EEPD1: variants seen among roughly 807,000 people sequenced by gnomAD.
EEPD1 encodes the protein endonuclease/exonuclease/phosphatase family domain containing 1.
A neutral mutation model predicts 46.3 loss-of-function variants in EEPD1; 17 were observed. The ratio of observed to expected loss-of-function variants is 0.37; its 90% confidence interval spans 0.25 to 0.55. The LOEUF is 0.55. Ranked by LOEUF, EEPD1 falls within the 20% of genes least tolerant of loss-of-function variation. EEPD1 has a pLI of 0.83. For missense variants in EEPD1, 673 were observed against 745.6 expected (o/e 0.90, Z 1.13); for synonymous variants, 313 against 315.6 (o/e 0.99, Z 0.09).
chr7:36,156,328 A>G (rs1013472768), intron 2 of EEPD1, among the ~76,000 whole-genome samples: 1 of 152,142 alleles, frequency 6.6e-6, no homozygotes, highest in Non-Finnish European at 1.5e-5. Context: ...CATCACTGAG[A>G]GAGGGACTCC....
At chr7:36,159,606 C>T (rs1784872313) in intron 2 of EEPD1, among the ~76,000 whole-genome samples, 2 of 152,224 alleles carry the variant, frequency 1.3e-5, no homozygotes, top group South Asian at 4.1e-4. Context: ...AAACTCCATG[C>T]CCTTCTGCTG....
chr7:36,165,419 T>C (rs1784966657), intron 2 of EEPD1, among the ~76,000 whole-genome samples: 1 of 111,712 alleles, frequency 9.0e-6, no homozygotes, highest in Non-Finnish European at 1.9e-5. Flanking sequence ...TCCTTTTTTT[T>C]TTTTTTTTTT....
chr7:36,272,503 G>GTT (rs768898390), intron 3 of EEPD1, among the ~76,000 whole-genome samples: 70 of 122,666 alleles, frequency 5.7e-4, no homozygotes, highest in African/African-American at 2.0e-3. Context: ...GTTTTTTGTT[G>GTT]TTGTTTTTTT....
intron 5 of EEPD1, among the ~76,000 whole-genome samples, chr7:36,286,282 G>A (rs12539230): frequency 0.063 from 9,653 of 152,194 alleles, 480 homozygotes; most frequent in East Asian, 0.16. Context: ...ACAGAGATGG[G>A]GCTCATCTCC....
intron 2 of EEPD1, among the ~76,000 whole-genome samples, chr7:36,219,798 A>AGTGTGTGTGTGTGTGT (rs1443373734): frequency 2.6e-5 from 2 of 76,964 alleles, no homozygotes; most frequent in African/African-American, 7.7e-5. Flanking sequence ...AGAGAGAGAG[A>AGTGTGTGTGTGTGTGT]GAGAGAGAGT....
At chr7:36,290,875 C>T (rs1242044061) in intron 6 of EEPD1, among the ~76,000 whole-genome samples, 2 of 152,208 alleles carry the variant, frequency 1.3e-5, no homozygotes, top group Non-Finnish European at 2.9e-5. Flanking sequence ...GAGCCCAGCC[C>T]AGGTGGGTGG....
intron 2 of EEPD1, among the ~76,000 whole-genome samples, chr7:36,221,093 G>A (rs1786138304): frequency 1.3e-5 from 2 of 152,240 alleles, no homozygotes; most frequent in Admixed American, 6.5e-5. Context: ...ACAGGCGTGA[G>A]CCACTGCGTC....
chr7:36,208,931 C>T (rs1785872953), intron 2 of EEPD1, among the ~76,000 whole-genome samples: 1 of 152,182 alleles, frequency 6.6e-6, no homozygotes, highest in Non-Finnish European at 1.5e-5. Context: ...GTTTAACAAG[C>T]TCCTGGGTGA....
intron 2 of EEPD1, among the ~76,000 whole-genome samples, chr7:36,233,330 A>G (rs1786371314): frequency 6.6e-6 from 1 of 152,242 alleles, no homozygotes; most frequent in Non-Finnish European, 1.5e-5. Context: ...CCACCCAGTC[A>G]TCTTGTTTGA....
In EEPD1 at chr7:36,180,229, C is replaced by T. The variant is rs892787350; in HGVS notation, c.878+25027C>T. Among the ~76,000 whole-genome samples, 18 of 152,334 alleles carry T rather than the reference C, an allele frequency of 1.2e-4. 1 individual carries two copies. The highest frequency in any genetic ancestry group is 6.5e-4 in the Admixed American group (10 of 15,298). On this transcript the variant is annotated intron_variant, in intron 2 of 7. Coordinates refer to ENST00000242108, the MANE Select transcript of EEPD1 (RefSeq NM_030636.3). ...AAGCGATGCGGGGGAAAGGTAACACCTCCTGTGCGTGGGCATGAAAGTCAC... is the reference window on the plus strand; with the variant it reads ...AAGCGATGCGGGGGAAAGGTAACACTTCCTGTGCGTGGGCATGAAAGTCAC...
At chr7:36,194,184 G>T (rs1785534584) in intron 2 of EEPD1, among the ~76,000 whole-genome samples, 1 of 152,182 alleles carries the variant, frequency 6.6e-6, no homozygotes, top group Non-Finnish European at 1.5e-5. Flanking sequence ...TATGCTGCTT[G>T]CAGTGAATGT....
In EEPD1 at chr7:36,259,051, C is replaced by T. The variant is rs548974904; in HGVS notation, c.930+20015C>T. Among the ~76,000 whole-genome samples, 167 of 152,244 alleles carry T rather than the reference C, an allele frequency of 1.1e-3. 1 individual carries two copies. Among genetic ancestry groups the T allele is most frequent in the Non-Finnish European group, 2.0e-3 (139 of 68,028 alleles). ...GCATAGTATCTGGGCTGAAGTGCAG[C>T]GTTCCTTACATCACAGTCCCTCATG... On this transcript the variant is annotated intron_variant, in intron 3 of 7. Transcript: ENST00000242108.
chr7:36,154,781 C>G lies in EEPD1; in HGVS notation c.457C>G (p.Leu153Val), dbSNP rs267601501. The G allele has an allele frequency of 6.2e-7, 1 of 1,614,038 alleles. No homozygotes were observed. The highest frequency in any genetic ancestry group is 1.3e-5 in the African/African-American group (1 of 74,928). ...TPAQLMSVRG[L>V]SEKMALSIVD... ...GGCCCAGCTCATGAGCGTGCGAGGC[C>G]TCTCGGAGAAAATGGCCCTCAGCAT... is the stretch of plus-strand genomic sequence containing the variant. The change falls in exon 2 of 8, where the codon CTC becomes GTC. Residue 153 changes from leucine (L) to valine (V), a missense_variant. Leu to Val is a conservative substitution (Grantham distance 32). Transcript: ENST00000242108. This position sits in a 1 kb window ranked among gnomAD's most constrained non-coding sequence, Gnocchi z 4.2.
rs554577226 is a variant in EEPD1 at position 36,154,682 on chromosome 7, G to T, written c.358G>T (p.Ala120Ser). 5.6e-6 allele frequency: 9 copies of T among 1,613,500 alleles called. No homozygotes were observed. In the African/African-American group the frequency reaches 1.1e-4, roughly 19 times the overall value. Residue 120 changes from alanine to serine, a missense_variant, in exon 2 of 8, where the codon GCG becomes TCG. Transcript: ENST00000242108. This position sits in a 1 kb window ranked among gnomAD's most constrained non-coding sequence, Gnocchi z 4.2. ...SPSSLRRDLL[A>S]EQQPHHLATA... is the part of the protein sequence containing the mutation. ...CAGTTCCCTGCGGCGGGACCTGCTA[G>T]CGGAGCAGCAGCCTCACCACCTGGC...
chr7:36,292,481 CTT>C (rs1413671317), intron 6 of EEPD1, among the ~76,000 whole-genome samples: 3 of 147,168 alleles, frequency 2.0e-5, no homozygotes, highest in Non-Finnish European at 4.6e-5. Context: ...CTCTCTCTCT[CTT>C]TCTCTCTCTT....
chr7:36,236,189 C>T (rs990024428), intron 2 of EEPD1, among the ~76,000 whole-genome samples: 21 of 152,364 alleles, frequency 1.4e-4, no homozygotes, highest in Admixed American at 5.9e-4. Context: ...TCCGCTCTGG[C>T]CGCGCTCAAG....
At chr7:36,294,121 C>G (rs1006337526) in intron 6 of EEPD1, among the ~76,000 whole-genome samples, 9 of 152,074 alleles carry the variant, frequency 5.9e-5, no homozygotes, top group African/African-American at 2.2e-4. Flanking sequence ...TGTAGAGTGT[C>G]TAGAAGGGGA....
chr7:36,190,964 C>T (rs768052494), intron 2 of EEPD1, among the ~76,000 whole-genome samples: 3 of 152,220 alleles, frequency 2.0e-5, no homozygotes, highest in Non-Finnish European at 4.4e-5. Context: ...TCCCTTAAGT[C>T]ACTATCGGTC....
chr7:36,282,623 C>A lies in EEPD1; in HGVS notation c.1041+1398C>A, dbSNP rs1787278516. Among the ~76,000 whole-genome samples the A allele has an allele frequency of 2.0e-5, 3 of 152,240 alleles. No individual in the cohort carries two copies. In the South Asian group the frequency reaches 6.2e-4, roughly 31 times the overall value. On this transcript the variant is annotated intron_variant, in intron 4 of 7. Coordinates refer to ENST00000242108, the MANE Select transcript of EEPD1 (RefSeq NM_030636.3). ...TTCATCTGTAAAATGGGAGCGATAG[C>A]CCTTTCTTAGCTCACCTATAGGGTG...
Sources: allele counts gnomAD v4.1 joint callset (sites outside exome capture counted in the v4.1 genomes callset), GRCh38; gene constraint gnomAD v4.1.1; non-coding constraint Gnocchi (gnomAD v3.1); transcripts MANE v1.5; gene names NCBI Gene and HGNC (gene_info 2026-07-23, HGNC 2026-07-21).